CCDC88A: variants seen among roughly 807,000 people sequenced by gnomAD.
The protein encoded by CCDC88A is coiled-coil and HOOK domain protein 88A.
A neutral mutation model predicts 234.3 loss-of-function variants in CCDC88A; 54 were observed. The ratio of observed to expected loss-of-function variants is 0.23; its 90% confidence interval spans 0.19 to 0.29. The LOEUF is 0.29. Ranked by LOEUF, CCDC88A falls within the 10% of genes least tolerant of loss-of-function variation. The pLI is 1.00. For synonymous variants in CCDC88A, 753 were observed against 737.8 expected, an observed-to-expected ratio of 1.02 and a Z score of -0.33; for missense variants, 1,832 against 2,123.4, an observed-to-expected ratio of 0.86 and a Z score of 2.70.
intron 25 of CCDC88A, among the ~76,000 whole-genome samples, chr2:55,304,925 T>C (rs1681355395): frequency 6.6e-6 from 1 of 152,244 alleles, no homozygotes; most frequent in East Asian, 1.9e-4. Flanking sequence ...ACAGCTCTTT[T>C]GACAAACTAA....
At chr2:55,311,325 T>G (rs879644075) in intron 23 of CCDC88A, among the ~76,000 whole-genome samples, 11 of 152,224 alleles carry the variant, frequency 7.2e-5, no homozygotes, top group Admixed American at 1.3e-4. Flanking sequence ...TTTACACAAA[T>G]TCTGCCTTTG....
chr2:55,383,453 T>C (rs559986958), intron 3 of CCDC88A, among the ~76,000 whole-genome samples: 8 of 151,918 alleles, frequency 5.3e-5, no homozygotes, highest in South Asian at 4.2e-4. Context: ...ACCCCGTCTC[T>C]ATTAAAAATA....
rs1233180035 is a variant in CCDC88A, at chr2:55,383,059, T to C, written c.273+5719A>G. ...ATTTGTATTGAGCTTTTACAGGTTC[T>C]AAATCATAAAAATGAAAAAAAAAAA... On this transcript the variant is annotated intron_variant, in intron 3 of 32. Coordinates refer to ENST00000436346, the MANE Select transcript of CCDC88A (RefSeq NM_001365480.1). Among the ~76,000 whole-genome samples, 3 of 92,378 alleles carry C rather than the reference T, an allele frequency of 3.2e-5. No individual in the cohort carries two copies. The East Asian group carries it at 7.7e-4, about 24-fold the overall frequency. The allele number at this position is 92,378 out of a possible 152,430, so 60.6% of individuals were successfully genotyped here.
chr2:55,300,238 G>C (rs756086431), intron 28 of CCDC88A: 1 of 309,964 alleles, frequency 3.2e-6, no homozygotes, highest in Non-Finnish European at 6.2e-6. Flanking sequence ...AAATGCTATT[G>C]ATTGGGTCAC....
intron 2 of CCDC88A, among the ~76,000 whole-genome samples, chr2:55,389,455 A>T (rs895826170): frequency 1.9e-4 from 29 of 152,218 alleles, no homozygotes; most frequent in Admixed American, 1.2e-3. Flanking sequence ...TTAGAATGGG[A>T]AATTGCGGCA....
chr2:55,383,215 G>A (rs900280794), intron 3 of CCDC88A, among the ~76,000 whole-genome samples: 24 of 152,182 alleles, frequency 1.6e-4, no homozygotes, highest in Admixed American at 1.4e-3. Flanking sequence ...ATCTTTACAA[G>A]ATGACCTTGA....
Position 55,334,971 on chromosome 2 carries a change from A to G in CCDC88A, c.1850T>C (p.Leu617Ser). ...EFEKRQIKKE[L>S]EHYKEKGERA... ...TTCTCCTTTTTCTTTATAATGTTCC[A>G]ATTCTTTTTTAATTTGTCTTTTTTC... Residue 617 changes from leucine (L) to serine (S), a missense_variant, in exon 15 of 33, where the codon TTG becomes TCG. This residue lies in a region of CCDC88A where 1,282 missense variants were observed against 1,543.6 expected (regional missense o/e 0.83). Transcript: ENST00000436346. The surrounding 1 kb of genome is among the most constrained non-coding windows in gnomAD (Gnocchi z 6.1). 2 of 1,587,062 alleles carry G rather than the reference A, an allele frequency of 1.3e-6. No individual in the cohort carries two copies. The highest frequency in any genetic ancestry group is 1.1e-5 in the South Asian group (1 of 87,640).
At position 55,334,687 on chromosome 2, in the gene CCDC88A, A is replaced by T. The variant is rs1250035969; in HGVS notation, c.2134T>A (p.Ser712Thr). The T allele has an allele frequency of 1.2e-6, 2 of 1,613,714 alleles. No homozygotes were observed. The highest frequency in any genetic ancestry group is 4.5e-5 in the East Asian group (2 of 44,826). Reference sequence around the variant, plus strand: ...ATTTTCATGCTTGCACACTTCAAAGATTCTACATTCCTTCGCAGTTCTAAG... The same window carrying T: ...ATTTTCATGCTTGCACACTTCAAAGTTTCTACATTCCTTCGCAGTTCTAAG... ...ENLELRRNVE[S>T]LKCASMKMAQ... The change falls in exon 15 of 33, where the codon TCT becomes ACT. Residue 712 changes from serine (S) to threonine (T), a missense_variant. This residue lies in a region of CCDC88A where 1,282 missense variants were observed against 1,543.6 expected (regional missense o/e 0.83). Transcript: ENST00000436346. The surrounding 1 kb of genome is among the most constrained non-coding windows in gnomAD (Gnocchi z 6.1).
At chr2:55,377,423 G>A (rs1013183147) in intron 3 of CCDC88A, among the ~76,000 whole-genome samples, 1 of 151,252 alleles carries the variant, frequency 6.6e-6, no homozygotes, top group African/African-American at 2.4e-5. Flanking sequence ...CTCCCAAAGT[G>A]GTGCGATTAC....
At chr2:55,402,196 A>C (rs1008772898) in intron 2 of CCDC88A, among the ~76,000 whole-genome samples, 2 of 152,130 alleles carry the variant, frequency 1.3e-5, no homozygotes, top group African/African-American at 4.8e-5. Flanking sequence ...AATTCACCTA[A>C]ATGTAACAGT....
Position 55,384,578 on chromosome 2 carries a change from T to TGC in CCDC88A, c.273+4199_273+4200insGC, listed in dbSNP as rs1558788237. Among the ~76,000 whole-genome samples the TGC allele has an allele frequency of 3.2e-5, 3 of 93,936 alleles. 1 individual carries two copies. Among genetic ancestry groups the TGC allele is most frequent in the African/African-American group, 1.3e-4 (3 of 23,718 alleles). The allele number at this position is 93,936 out of a possible 152,430, so 61.6% of individuals were successfully genotyped here. A position where few individuals can be genotyped will look rare whatever the true frequency, so the allele number is the denominator to read the frequency against. On this transcript the variant is annotated intron_variant, in intron 3 of 32. Coordinates refer to ENST00000436346, the MANE Select transcript of CCDC88A (RefSeq NM_001365480.1). ...ATATATACACATATATACGTATATA[T>TGC]GTGTATATATACACATATATACGTA...
chr2:55,409,988 G>A (rs921978260), intron 2 of CCDC88A, among the ~76,000 whole-genome samples: 4 of 152,034 alleles, frequency 2.6e-5, no homozygotes, highest in Non-Finnish European at 2.9e-5. Flanking sequence ...TGATCCACCC[G>A]CCTCAGCCTC....
intron 25 of CCDC88A, among the ~76,000 whole-genome samples, chr2:55,304,493 G>C (rs1681290830): frequency 6.6e-6 from 1 of 151,900 alleles, no homozygotes; most frequent in Admixed American, 6.6e-5. Context: ...TTTTACAAAA[G>C]ATTCGTTGGG....
At chr2:55,416,342 T>C (rs1300993728) in intron 2 of CCDC88A, among the ~76,000 whole-genome samples, 2 of 146,076 alleles carry the variant, frequency 1.4e-5, no homozygotes, top group African/African-American at 2.5e-5. Flanking sequence ...TGAAAGAAAA[T>C]TGAATTAAAC....
In CCDC88A at chr2:55,317,372, G is replaced by A. The variant is rs776378722; in HGVS notation, c.3603-23C>T. The A allele has an allele frequency of 2.8e-6, 4 of 1,435,592 alleles. No individual in the cohort carries two copies. The highest frequency in any genetic ancestry group is 3.7e-6 in the Non-Finnish European group (4 of 1,085,206). 88.9% of individuals were successfully genotyped at this position (1,435,592 alleles called of 1,614,324 possible). A position where few individuals can be genotyped will look rare whatever the true frequency, so the allele number is the denominator to read the frequency against. ...TAACTGGGGGGAAAAAAGGCATTTG[G>A]TTTATAATATTTACAAAAAAGAAAT... On this transcript the variant is annotated intron_variant, in intron 20 of 32. Coordinates refer to ENST00000436346, the MANE Select transcript of CCDC88A (RefSeq NM_001365480.1). The surrounding 1 kb of genome is among the most constrained non-coding windows in gnomAD (Gnocchi z 4.2).
intron 9 of CCDC88A, among the ~76,000 whole-genome samples, chr2:55,346,863 T>A (rs576459823): frequency 2.6e-5 from 4 of 152,194 alleles, no homozygotes; most frequent in South Asian, 2.1e-4. Context: ...AAAATTTTTT[T>A]AAAACCTTTT....
At position 55,362,299 on chromosome 2, in the gene CCDC88A, T is replaced by C. The variant is rs749725172; in HGVS notation, c.627+9A>G. 4 of 1,554,978 alleles carry C rather than the reference T, an allele frequency of 2.6e-6. No homozygotes were observed. Among genetic ancestry groups the C allele is most frequent in the Non-Finnish European group, 3.5e-6 (4 of 1,158,804 alleles). ...AACTTTCACAATATACTGAAAGAAT[T>C]TTACAAACCTCTGAATGTTCATCTC... On this transcript the variant is annotated intron_variant, in intron 7 of 32. Coordinates refer to ENST00000436346, the MANE Select transcript of CCDC88A (RefSeq NM_001365480.1).
chr2:55,371,216 C>G (rs1672801574), intron 5 of CCDC88A, among the ~76,000 whole-genome samples: 1 of 152,120 alleles, frequency 6.6e-6, no homozygotes, highest in African/African-American at 2.4e-5. Context: ...AACTCAAAAT[C>G]TGATGACCAA....
At chr2:55,413,382 A>G (rs1424472742) in intron 2 of CCDC88A, among the ~76,000 whole-genome samples, 10 of 152,202 alleles carry the variant, frequency 6.6e-5, no homozygotes, top group African/African-American at 2.4e-4. Context: ...GCCTTAGTAG[A>G]TAATCCTTCC....
Sources: allele counts gnomAD v4.1 joint callset (sites outside exome capture counted in the v4.1 genomes callset), GRCh38; gene constraint gnomAD v4.1.1; regional missense constraint gnomAD v4.1.1; non-coding constraint Gnocchi (gnomAD v3.1); transcripts MANE v1.5; gene names NCBI Gene and HGNC (gene_info 2026-07-23, HGNC 2026-07-21).